DNHD1: variants seen among roughly 807,000 people sequenced by gnomAD.
The protein encoded by DNHD1 is dynein heavy chain domain 1.
Under a neutral mutation model 458.1 loss-of-function variants are expected in DNHD1, and 383 were observed. That is an observed-to-expected ratio of 0.84 (90% CI 0.77 to 0.91). The LOEUF (loss-of-function observed/expected upper bound fraction) is 0.91. Among genes scored for constraint, DNHD1 ranks in the 40% least tolerant of loss-of-function variants. The pLI is 0.00. For synonymous variants in DNHD1, 2,203 were observed against 2,376.9 expected, an observed-to-expected ratio of 0.93 and a Z score of 2.13; for missense variants, 5,336 against 5,866.1, an observed-to-expected ratio of 0.91 and a Z score of 2.95.
At position 6,540,512 on chromosome 11, in the gene DNHD1, C is replaced by CAGT. The variant is rs1853077092; in HGVS notation, c.3628+431_3628+433dup. Among the ~76,000 whole-genome samples the CAGT allele has an allele frequency of 2.0e-5, 3 of 152,214 alleles. 1 individual carries two copies. The South Asian group carries it at 6.2e-4, about 32-fold the overall frequency. ...CACAGGAGACCTTGAGACTTACAGA[C>CAGT]AGTATCCCTGTCCCCCAGAAATTTC... On this transcript the variant is annotated intron_variant, in intron 18 of 42. Transcript: ENST00000254579.
chr11:6,512,211 C>CTTTTTTTTTTTTT (rs11287049), intron 7 of DNHD1, among the ~76,000 whole-genome samples: 21 of 91,624 alleles, frequency 2.3e-4, no homozygotes, highest in African/African-American at 7.0e-4. Flanking sequence ...CTTTTTCTTT[C>CTTTTTTTTTTTTT]TTTTTTTTTT....
At chr11:6,535,132 T>C (rs974133608) in intron 14 of DNHD1, among the ~76,000 whole-genome samples, 2 of 152,250 alleles carry the variant, frequency 1.3e-5, no homozygotes, top group Admixed American at 1.3e-4. Context: ...CAGTCATTCC[T>C]TTATTCTTTT....
intron 24 of DNHD1, among the ~76,000 whole-genome samples, chr11:6,553,832 G>C (rs566289477): frequency 6.6e-6 from 1 of 152,138 alleles, no homozygotes; most frequent in Non-Finnish European, 1.5e-5. Context: ...ATATTGCTGA[G>C]ATAGAGGAAA....
At chr11:6,503,488 C>A (rs192254677) in intron 4 of DNHD1, 2 of 152,248 alleles carry the variant, frequency 1.3e-5, no homozygotes, top group East Asian at 3.9e-4. Context: ...TTAAAAATTT[C>A]TTCTTATTAT....
Position 6,511,347 on chromosome 11 carries a change from A to G in DNHD1, c.1310A>G (p.Gln437Arg), listed in dbSNP as rs781347472. The change falls in exon 7 of 43, where the codon CAG (glutamine) becomes CGG (arginine). Residue 437 changes from glutamine (Q) to arginine (R), a missense_variant. Physicochemically the swap from Gln to Arg is conservative, Grantham distance 43. Around this residue, in one of 4 missense-constraint regions of DNHD1, gnomAD observed 3,932 missense variants for 4,365.6 expected, o/e 0.90. Coordinates refer to ENST00000254579, the MANE Select transcript of DNHD1 (RefSeq NM_144666.3). Reference sequence around the variant, plus strand: ...CGGTGCTATGAGCTGCTGGACCTGCAGACGGCTCTAGCCGAGGAGAAGCAT... The same window carrying G: ...CGGTGCTATGAGCTGCTGGACCTGCGGACGGCTCTAGCCGAGGAGAAGCAT... Reference protein sequence around the residue: ...LDRCYELLDLQTALAEEKHKA... With the variant: ...LDRCYELLDLRTALAEEKHKA... 1.5e-5 allele frequency: 24 copies of G among 1,614,112 alleles called. No individual in the cohort carries two copies. The Admixed American group carries it at 1.5e-4, about 10-fold the overall frequency.
Position 6,566,592 on chromosome 11 carries a change from G to T in DNHD1, c.11212G>T (p.Gly3738Cys). The change falls in exon 35 of 43, where the codon GGT becomes TGT. Residue 3738 changes from glycine (G) to cysteine (C), a missense_variant. By Grantham distance (159) the Gly-to-Cys change is radical (BLOSUM62 -3). This residue lies in a region of DNHD1 where 695 missense variants were observed against 804.2 expected (regional missense o/e 0.86). Coordinates refer to ENST00000254579, the MANE Select transcript of DNHD1 (RefSeq NM_144666.3). ...ATCTCCCATGTTACCCCAAGTGCTA[G>T]GTTGTGAACTGCTAAAGGGGCTGAA... ...LSLCAMEKVL[G>C]CELLKGLNVL... is the part of the protein sequence containing the mutation. 1 of 1,613,724 alleles carries T rather than the reference G, an allele frequency of 6.2e-7. No homozygotes were observed. The highest frequency in any genetic ancestry group is 8.5e-7 in the Non-Finnish European group (1 of 1,179,798).
In DNHD1 at chr11:6,546,709, C is replaced by G. The variant is rs899598170; in HGVS notation, c.5770C>G (p.His1924Asp). Reference sequence around the variant, plus strand: ...ACTGTTTAGCATTCTCAATGGGCTCCACCTGCACAACCTCCGAGGGCTGTT... The same window carrying G: ...ACTGTTTAGCATTCTCAATGGGCTCGACCTGCACAACCTCCGAGGGCTGTT... ...SPLFSILNGL[H>D]LHNLRGLLCA... The change falls in exon 21 of 43, where the codon CAC becomes GAC. Residue 1924 changes from histidine to aspartate, a missense_variant. His to Asp is a moderately conservative substitution (Grantham distance 81). This residue lies in a region of DNHD1 where 3,932 missense variants were observed against 4,365.6 expected (regional missense o/e 0.90). Coordinates refer to ENST00000254579, the MANE Select transcript of DNHD1 (RefSeq NM_144666.3). The G allele has an allele frequency of 1.1e-5, 17 of 1,551,636 alleles. No homozygotes were observed. Among genetic ancestry groups the G allele is most frequent in the Admixed American group, 7.8e-5 (4 of 50,992 alleles).
At position 6,567,035 on chromosome 11, in the gene DNHD1, G is replaced by A; in HGVS notation, c.11526G>A (p.Gln3842=). ...AAGAGTTAGAAGGGCAGAAACTACA[G>A]GAGATGGTATTGTGGGCACCCTATC... ...HCEELEGQKL[Q]EMVLWAPYRP... The change falls in exon 36 of 43, where the codon CAG becomes CAA. Residue 3842 remains glutamine (Q), a synonymous_variant. Transcript: ENST00000254579. 6.2e-7 allele frequency: 1 copy of A among 1,614,056 alleles called. No homozygotes were observed. Among genetic ancestry groups the A allele is most frequent in the Non-Finnish European group, 8.5e-7 (1 of 1,179,902 alleles).
At chr11:6,526,316 C>G (rs1565002671) in intron 10 of DNHD1, among the ~76,000 whole-genome samples, 1 of 151,912 alleles carries the variant, frequency 6.6e-6, no homozygotes, top group Non-Finnish European at 1.5e-5. Flanking sequence ...TTTTCTAATT[C>G]TGATATGTGT....
At position 6,548,506 on chromosome 11, in the gene DNHD1, G is replaced by T; in HGVS notation, c.7098+104G>T. ...TGAGGCCCACTTGCTCCCTTTCTTTGATATATTTTCACAATCACAAGAATA... is the reference window on the plus strand; with the variant it reads ...TGAGGCCCACTTGCTCCCTTTCTTTTATATATTTTCACAATCACAAGAATA... On this transcript the variant is annotated intron_variant, in intron 23 of 42. Transcript: ENST00000254579. This position sits in a 1 kb window ranked among gnomAD's most constrained non-coding sequence, Gnocchi z 4.4. The T allele has an allele frequency of 6.9e-7, 1 of 1,458,858 alleles. No individual in the cohort carries two copies. The highest frequency in any genetic ancestry group is 9.3e-7 in the Non-Finnish European group (1 of 1,079,606). 90.4% of individuals were successfully genotyped at this position (1,458,858 alleles called of 1,614,324 possible).
rs1456896864 is a variant in DNHD1 at position 6,508,976 on chromosome 11, TA to T, written c.1018del (p.Ser340AlafsTer4). On this transcript the variant is annotated frameshift_variant, in exon 5 of 43. Transcript: ENST00000254579. LOFTEE classifies it high-confidence loss of function. ...GILHVHPVEGSETMTLGTWHH... is the reference protein window; with the variant it reads ...GILHVHPVEGXETMTLGTWHH... ...TCTTGCATGTACATCCTGTGGAAGG[TA>T]GCGAGACGATGACACTGGGTACCTG... The T allele has an allele frequency of 1.2e-6, 2 of 1,614,234 alleles. No individual in the cohort carries two copies. Among genetic ancestry groups the T allele is most frequent in the Admixed American group, 3.3e-5 (2 of 60,032 alleles).
rs749652913 is a variant in DNHD1, at chr11:6,545,371, G to A, written c.4432G>A (p.Gly1478Ser). Reference sequence around the variant, plus strand: ...TCGCCTTGCTCGAGGCCCATCTCTAGGTGAGGCCCTCAAGCAACTGCCCAA... The same window carrying A: ...TCGCCTTGCTCGAGGCCCATCTCTAAGTGAGGCCCTCAAGCAACTGCCCAA... ...AARLARGPSL[G>S]EALKQLPKQN... Residue 1478 changes from glycine to serine, a missense_variant, in exon 21 of 43, where the codon GGT becomes AGT. Gly to Ser is a moderately conservative substitution (Grantham distance 56). Coordinates refer to ENST00000254579, the MANE Select transcript of DNHD1 (RefSeq NM_144666.3). The surrounding 1 kb of genome is among the most constrained non-coding windows in gnomAD (Gnocchi z 4.9). 10 of 1,551,656 alleles carry A rather than the reference G, an allele frequency of 6.4e-6. No homozygotes were observed. Among genetic ancestry groups the A allele is most frequent in the Non-Finnish European group, 8.7e-6 (10 of 1,147,022 alleles).
At chr11:6,500,773 A>C (rs1416119198) in intron 3 of DNHD1, among the ~76,000 whole-genome samples, 1 of 152,224 alleles carries the variant, frequency 6.6e-6, no homozygotes, top group Non-Finnish European at 1.5e-5. Context: ...ATTTATTAGG[A>C]TCTGCAAGAT....
chr11:6,558,130 A>G lies in DNHD1; in HGVS notation c.8835A>G (p.Val2945=), dbSNP rs1399914414. Residue 2945 remains valine (V), a synonymous_variant, in exon 25 of 43, where the codon GTA becomes GTG. Transcript: ENST00000254579. ...GMLSQPVALL[V]PSGVDLTTLH... is the part of the protein sequence containing the mutation. ...TAAGCCAGCCAGTGGCTCTGTTGGT[A>G]CCCAGTGGTGTGGATCTCACTACAC... 1 of 1,551,650 alleles carries G rather than the reference A, an allele frequency of 6.4e-7. No homozygotes were observed. Among genetic ancestry groups the G allele is most frequent in the South Asian group, 1.2e-5 (1 of 84,052 alleles).
intron 12 of DNHD1, among the ~76,000 whole-genome samples, chr11:6,529,509 G>T (rs1299438038): frequency 3.3e-5 from 5 of 152,174 alleles, no homozygotes; most frequent in Admixed American, 3.3e-4. Context: ...TTACTCTGTA[G>T]TCCTAACTTC....
chr11:6,539,772 C>T, intron 17 of DNHD1, 104 bp from the exon 18 acceptor site: 2 of 1,063,678 alleles, frequency 1.9e-6, no homozygotes, highest in South Asian at 1.5e-5. Flanking sequence ...TTTCCTGAGC[C>T]CTGGCCCTTG....
At chr11:6,544,545 C>A in intron 19 of DNHD1, 29 bp from the exon 20 acceptor site, 1 of 1,527,396 alleles carries the variant, frequency 6.5e-7, no homozygotes, top group South Asian at 1.2e-5. Flanking sequence ...TAGTGTTTCC[C>A]ACCAGCATTC....
In DNHD1 at chr11:6,558,691, A is replaced by G. The variant is rs1474832177; in HGVS notation, c.9209A>G (p.Asp3070Gly). 6.5e-7 allele frequency: 1 copy of G among 1,549,090 alleles called. No homozygotes were observed. Among genetic ancestry groups the G allele is most frequent in the Non-Finnish European group, 8.7e-7 (1 of 1,146,924 alleles). Residue 3070 changes from aspartate (D) to glycine (G), a missense_variant and splice_region_variant, in exon 26 of 43, where the codon GAC becomes GGC. Physicochemically the swap from Asp to Gly is moderately conservative, Grantham distance 94 (BLOSUM62 -1). This residue lies in a region of DNHD1 where 3,932 missense variants were observed against 4,365.6 expected (regional missense o/e 0.90). Transcript: ENST00000254579. ...GGTGCTCAGAGTGTGCCCCTTGATG[A>G]CGGTAAGCCCTTTTTACTTGTCCTT... Reference protein sequence around the residue: ...LEGAQSVPLDDGSWKYPDLQA... With the variant: ...LEGAQSVPLDGGSWKYPDLQA...
At chr11:6,508,210 A>G (rs568901054) in intron 4 of DNHD1, 1 of 152,506 alleles carries the variant, frequency 6.6e-6, no homozygotes, top group South Asian at 2.1e-4. Context: ...ATCAATCTAT[A>G]TATATTGCAT....
Sources: gnomAD v4.1 joint callset for allele counts (sites outside exome capture counted in the v4.1 genomes callset) on GRCh38, gnomAD v4.1.1 for gene constraint, gnomAD v4.1.1 regional missense constraint, Gnocchi (gnomAD v3.1) non-coding constraint, MANE v1.5 for transcripts, NCBI Gene and HGNC (gene_info 2026-07-23, HGNC 2026-07-21) for gene names.